The following ZNF354B variants were observed in gnomAD, a reference collection of about 807,000 sequenced individuals.
ZNF354B encodes zinc finger protein 354B.
A neutral mutation model predicts 12.9 loss-of-function variants in ZNF354B; 10 were observed. That is an observed-to-expected ratio of 0.77 (90% CI 0.48 to 1.31). The LOEUF is 1.31. ZNF354B is among the 40% of genes most tolerant of loss of function. ZNF354B has a pLI of 0.00. For synonymous variants in ZNF354B, 260 were observed against 243.7 expected (o/e 1.07, Z -0.62); for missense variants, 614 against 711.7 (o/e 0.86, Z 1.56).
rs1205645824 is a variant in ZNF354B at position 178,882,736 on chromosome 5, A to T, written c.284A>T (p.Lys95Met). The change falls in exon 5 of 5, where the codon AAG (lysine) becomes ATG (methionine). Residue 95 changes from lysine (K) to methionine (M), a missense_variant. Lys to Met is a moderately conservative substitution (Grantham distance 95). Coordinates refer to ENST00000322434, the MANE Select transcript of ZNF354B (RefSeq NM_058230.3). Reference sequence around the variant, plus strand: ...TGTAAGAGCACACCTAAAATGACAAAGTCAACTCAAACTCAGGATTCATTT... The same window carrying T: ...TGTAAGAGCACACCTAAAATGACAATGTCAACTCAAACTCAGGATTCATTT... ...LGCKSTPKMT[K>M]STQTQDSFQE... 6.4e-7 allele frequency: 1 copy of T among 1,571,162 alleles called. No individual in the cohort carries two copies. The highest frequency in any genetic ancestry group is 2.2e-5 in the Admixed American group (1 of 45,930).
chr5:178,863,384 C>T (rs1368103356), intron 2 of ZNF354B, among the ~76,000 whole-genome samples: 1 of 143,312 alleles, frequency 7.0e-6, no homozygotes, highest in East Asian at 1.9e-4. Flanking sequence ...ATAGTGGTCC[C>T]ATAAGATTAA....
At position 178,884,087 on chromosome 5, in the gene ZNF354B, A is replaced by G. The variant is rs928755669; in HGVS notation, c.1635A>G (p.Thr545=). 6.2e-7 allele frequency: 1 copy of G among 1,614,112 alleles called. No individual in the cohort carries two copies. The highest frequency in any genetic ancestry group is 1.3e-5 in the African/African-American group (1 of 75,060). Residue 545 remains threonine, a synonymous_variant, in exon 5 of 5, where the codon ACA becomes ACG. Coordinates refer to ENST00000322434, the MANE Select transcript of ZNF354B (RefSeq NM_058230.3). The part of the protein sequence containing the change: ...AALIQHQRIH[T]GEKPFKCNTC... ...TTATACAACATCAGAGGATTCATAC[A>G]GGAGAAAAACCCTTTAAATGTAATA...
At chr5:178,868,511 G>A (rs1337782105) in intron 4 of ZNF354B, among the ~76,000 whole-genome samples, 1 of 151,698 alleles carries the variant, frequency 6.6e-6, no homozygotes, top group East Asian at 1.9e-4. Flanking sequence ...GGGGGACAAG[G>A]TGAACACACT....
At chr5:178,861,855 G>T (rs1297960977) in intron 2 of ZNF354B, among the ~76,000 whole-genome samples, 1 of 152,160 alleles carries the variant, frequency 6.6e-6, no homozygotes, top group Non-Finnish European at 1.5e-5. Flanking sequence ...TGTAAAATGG[G>T]AATAACAGCC....
intron 4 of ZNF354B, among the ~76,000 whole-genome samples, chr5:178,872,968 A>G (rs993772270): frequency 1.3e-4 from 19 of 152,000 alleles, no homozygotes; most frequent in African/African-American, 4.6e-4. Context: ...TGGCATTTTT[A>G]GTAGAGACAG....
intron 4 of ZNF354B, among the ~76,000 whole-genome samples, chr5:178,871,962 T>C (rs1486608178): frequency 6.6e-6 from 1 of 152,242 alleles, no homozygotes; most frequent in Non-Finnish European, 1.5e-5. Context: ...TTGTGAGAAG[T>C]AGTATAGAAA....
Position 178,882,968 on chromosome 5 carries a change from C to G in ZNF354B, c.516C>G (p.Val172=). 1 of 1,607,850 alleles carries G rather than the reference C, an allele frequency of 6.2e-7. No homozygotes were observed. Among genetic ancestry groups the G allele is most frequent in the Non-Finnish European group, 8.5e-7 (1 of 1,178,592 alleles). ...EFGQNFYLKS[V]FIKQQRFAKE... ...GCCAAAACTTCTACCTGAAATCAGTCTTCATTAAGCAACAGAGATTTGCTA... is the reference window on the plus strand; with the variant it reads ...GCCAAAACTTCTACCTGAAATCAGTGTTCATTAAGCAACAGAGATTTGCTA... Residue 172 remains valine, a synonymous_variant, in exon 5 of 5, where the codon GTC becomes GTG. Coordinates refer to ENST00000322434, the MANE Select transcript of ZNF354B (RefSeq NM_058230.3).
At chr5:178,864,685 C>A (rs1757418448) in intron 2 of ZNF354B, among the ~76,000 whole-genome samples, 1 of 150,126 alleles carries the variant, frequency 6.7e-6, no homozygotes, top group African/African-American at 2.5e-5. Flanking sequence ...TGCAGTGGTG[C>A]AGTCTCGGCT....
Position 178,883,775 on chromosome 5 carries a change from T to C in ZNF354B, c.1323T>C (p.Asn441=). 6.2e-7 allele frequency: 1 copy of C among 1,614,140 alleles called. No homozygotes were observed. Among genetic ancestry groups the C allele is most frequent in the Non-Finnish European group, 8.5e-7 (1 of 1,179,998 alleles). The change falls in exon 5 of 5, where the codon AAT becomes AAC. Residue 441 remains asparagine, a synonymous_variant. Coordinates refer to ENST00000322434, the MANE Select transcript of ZNF354B (RefSeq NM_058230.3). ...CTGGAGAGAAATTGTATAATTGTAA[T>C]GAATGTGGTAAAGCCTTAAGCTCCC... ...IHTGEKLYNC[N]ECGKALSSHS...
chr5:178,860,364 G>T (rs13157356), intron 1 of ZNF354B, among the ~76,000 whole-genome samples: 63,904 of 151,610 alleles, frequency 0.42, 13,975 homozygotes, highest in Non-Finnish European at 0.49. Flanking sequence ...TTTCCTCCCG[G>T]GCCCACCCTG....
At chr5:178,867,905 C>T (rs1055598989) in intron 4 of ZNF354B, among the ~76,000 whole-genome samples, 8 of 152,148 alleles carry the variant, frequency 5.3e-5, no homozygotes, top group African/African-American at 7.2e-5. Context: ...CTATGTGATT[C>T]GAATTTAATA....
chr5:178,884,556 C>T lies in ZNF354B; in HGVS notation c.*265C>T, dbSNP rs1757773196. 3 of 282,524 alleles carry T rather than the reference C, an allele frequency of 1.1e-5. No homozygotes were observed. Among genetic ancestry groups the T allele is most frequent in the South Asian group, 1.3e-4 (1 of 7,480 alleles). The allele number at this position is 282,524 out of a possible 1,614,324, so 17.5% of individuals were successfully genotyped here. On this transcript the variant is annotated 3_prime_UTR_variant, in exon 5 of 5. Coordinates refer to ENST00000322434, the MANE Select transcript of ZNF354B (RefSeq NM_058230.3). Reference sequence around the variant, plus strand: ...AATCTCTTTATATAATATATGCTATCTATGACATGCAAAAAAGAAAAGTCT... The same window carrying T: ...AATCTCTTTATATAATATATGCTATTTATGACATGCAAAAAAGAAAAGTCT...
chr5:178,880,491 C>T (rs542339118), intron 4 of ZNF354B, among the ~76,000 whole-genome samples: 2 of 151,052 alleles, frequency 1.3e-5, no homozygotes, highest in African/African-American at 4.9e-5. Context: ...AGCCACTGCA[C>T]CCGGCCTCCT....
chr5:178,883,498 T>G lies in ZNF354B; in HGVS notation c.1046T>G (p.Leu349Arg). ...CTTTCTGGAAGTCAGAAAATTCATC[T>G]CAGAAAGAAGTCCTACTTATGTAAT... ...TSLSGSQKIH[L>R]RKKSYLCNEC... Residue 349 changes from leucine to arginine, a missense_variant, in exon 5 of 5, where the codon CTC (leucine) becomes CGC (arginine). Coordinates refer to ENST00000322434, the MANE Select transcript of ZNF354B (RefSeq NM_058230.3). 1 of 1,614,130 alleles carries G rather than the reference T, an allele frequency of 6.2e-7. No homozygotes were observed. Among genetic ancestry groups the G allele is most frequent in the Non-Finnish European group, 8.5e-7 (1 of 1,179,992 alleles).
Position 178,884,148 on chromosome 5 carries a change from A to G in ZNF354B, c.1696A>G (p.Ile566Val), listed in dbSNP as rs765748276. Residue 566 changes from isoleucine (I) to valine (V), a missense_variant, in exon 5 of 5, where the codon ATT (isoleucine) becomes GTT (valine). Transcript: ENST00000322434. ...GKTFRQSSSL[I>V]AHQRIHTGEK... Reference sequence around the variant, plus strand: ...AACTTTTAGACAAAGCTCATCACTTATTGCACATCAAAGAATTCATACTGG... The same window carrying G: ...AACTTTTAGACAAAGCTCATCACTTGTTGCACATCAAAGAATTCATACTGG... The G allele has an allele frequency of 9.1e-5, 147 of 1,613,952 alleles. No homozygotes were observed. The highest frequency in any genetic ancestry group is 1.2e-4 in the Non-Finnish European group (136 of 1,179,966).
Position 178,884,464 on chromosome 5 carries a change from T to A in ZNF354B, c.*173T>A, listed in dbSNP as rs2114033769. 1 of 654,390 alleles carries A rather than the reference T, an allele frequency of 1.5e-6. No homozygotes were observed. The highest frequency in any genetic ancestry group is 2.9e-5 in the East Asian group (1 of 33,988). 40.5% of individuals were successfully genotyped at this position (654,390 alleles called of 1,614,324 possible). A position where few individuals can be genotyped will look rare whatever the true frequency, so the allele number is the denominator to read the frequency against. Reference sequence around the variant, plus strand: ...TACTTGTCACTCACTTTTTAAAATATCCCGAGACAGTTCACTGTTGCAGAC... The same window carrying A: ...TACTTGTCACTCACTTTTTAAAATAACCCGAGACAGTTCACTGTTGCAGAC... On this transcript the variant is annotated 3_prime_UTR_variant, in exon 5 of 5. Coordinates refer to ENST00000322434, the MANE Select transcript of ZNF354B (RefSeq NM_058230.3).
At chr5:178,872,369 G>A (rs1757577668) in intron 4 of ZNF354B, among the ~76,000 whole-genome samples, 1 of 152,018 alleles carries the variant, frequency 6.6e-6, no homozygotes, top group Admixed American at 6.6e-5. Flanking sequence ...GTATATCATA[G>A]TTTGTATAGC....
chr5:178,869,149 A>C (rs1169189576), intron 4 of ZNF354B, among the ~76,000 whole-genome samples: 1 of 152,158 alleles, frequency 6.6e-6, no homozygotes. Context: ...CCCAGGCTGC[A>C]TTCTGCAGCT....
intron 4 of ZNF354B, among the ~76,000 whole-genome samples, chr5:178,875,999 A>G (rs945109302): frequency 6.6e-6 from 1 of 152,170 alleles, no homozygotes; most frequent in Admixed American, 6.5e-5. Flanking sequence ...GGGAGCTCAC[A>G]AGGTAGAGAG....
Sources: gnomAD v4.1 joint callset for allele counts (sites outside exome capture counted in the v4.1 genomes callset) on GRCh38, gnomAD v4.1.1 for gene constraint, MANE v1.5 for transcripts, NCBI Gene and HGNC (gene_info 2026-07-23, HGNC 2026-07-21) for gene names.